ELAC2: variants seen among roughly 807,000 people sequenced by gnomAD.
ELAC2 encodes the protein zinc phosphodiesterase ELAC protein 2.
ELAC2 carries 92 observed loss-of-function variants against 105.2 expected under a neutral mutation model. That is an observed-to-expected ratio of 0.87 (90% confidence interval 0.74 to 1.04). The LOEUF is 1.04. Among genes scored for constraint, ELAC2 ranks in the 50% least tolerant of loss-of-function variants. ELAC2 has a pLI of 0.00. For missense variants in ELAC2, 1,099 were observed against 1,071.7 expected (o/e 1.03, Z -0.36); for synonymous variants, 468 against 409.1 (o/e 1.14, Z -1.74).
chr17:12,994,764 C>A lies in ELAC2; in HGVS notation c.2029G>T (p.Gly677Trp). 6.2e-7 allele frequency: 1 copy of A among 1,613,934 alleles called. No individual in the cohort carries two copies. The highest frequency in any genetic ancestry group is 8.5e-7 in the Non-Finnish European group (1 of 1,180,036). The part of the protein sequence containing the change: ...TMPCEALVRM[G>W]KDATLLIHEA... ...GTGGCTTGCTTCTTCCTCTACTCACCCATCCGGACCAGAGCCTCGCAGGGC... is the reference window on the plus strand; with the variant it reads ...GTGGCTTGCTTCTTCCTCTACTCACACATCCGGACCAGAGCCTCGCAGGGC... Residue 677 changes from glycine (G) to tryptophan (W), a missense_variant and splice_region_variant, in exon 21 of 24, where the codon GGG becomes TGG. Gly to Trp is a radical substitution (Grantham distance 184, BLOSUM62 -2). Coordinates refer to ENST00000338034, the MANE Select transcript of ELAC2 (RefSeq NM_018127.7).
rs1438756175 is a variant in ELAC2, at chr17:12,994,856, T to C, written c.1937A>G (p.Lys646Arg). The C allele has an allele frequency of 2.5e-6, 4 of 1,614,074 alleles. No individual in the cohort carries two copies. Among genetic ancestry groups the C allele is most frequent in the Admixed American group, 3.3e-5 (2 of 60,024 alleles). The change falls in exon 21 of 24, where the codon AAG (lysine) becomes AGG (arginine). Residue 646 changes from lysine to arginine, a missense_variant. Lys to Arg is a conservative substitution (Grantham distance 26). Transcript: ENST00000338034. ...CACCAGCGCACAGCCAAACGCATGC[T>C]TGCAGTGCCGCACCAGACAGGTCTG... ...EFQTCLVRHC[K>R]HAFGCALVHT...
In ELAC2 at chr17:12,992,357, TAGCAGCA is replaced by T. The variant is rs3217020; in HGVS notation, c.*454_*460del. On this transcript the variant is annotated 3_prime_UTR_variant, in exon 24 of 24. Coordinates refer to ENST00000338034, the MANE Select transcript of ELAC2 (RefSeq NM_018127.7). ...GTGGTGCACAGCAGACCCTGCTCTG[TAGCAGCA>T]GCAGGAGGAAGCAAAAGAACTCACA... 217,137 of 351,578 alleles carry T rather than the reference TAGCAGCA, an allele frequency of 0.62. 67,689 individuals carry two copies. The highest frequency in any genetic ancestry group is 0.67 in the South Asian group (17,799 of 26,486). The allele number at this position is 351,578 out of a possible 1,614,324, so 21.8% of individuals were successfully genotyped here. A position where few individuals can be genotyped will look rare whatever the true frequency, so the allele number is the denominator to read the frequency against.
chr17:12,993,064 G>A lies in ELAC2; in HGVS notation c.2254-19C>T, dbSNP rs746853159. ...AGCAGACCTAGAAGACACAATAGAA[G>A]ACAAGGACATGTCTCAGAGGGGCAG... On this transcript the variant is annotated intron_variant, in intron 23 of 23. Transcript: ENST00000338034. 6.3e-7 allele frequency: 1 copy of A among 1,599,604 alleles called. No homozygotes were observed. Among genetic ancestry groups the A allele is most frequent in the Non-Finnish European group, 8.5e-7 (1 of 1,179,038 alleles).
In ELAC2 at chr17:13,017,765, C is replaced by T. The variant is rs1003115109; in HGVS notation, c.183G>A (p.Gln61=). ...CSGGPNTVYL[Q]VVAAGSRDSG... is the part of the protein sequence containing the mutation. Reference sequence around the variant, plus strand: ...AGTCCCGGCTACCCGCTGCCACCACCTGCAGGTACACGGTGTTTGGGCCGC... The same window carrying T: ...AGTCCCGGCTACCCGCTGCCACCACTTGCAGGTACACGGTGTTTGGGCCGC... The change falls in exon 1 of 24, where the codon CAG becomes CAA. Residue 61 remains glutamine (Q), a synonymous_variant. Transcript: ENST00000338034. 2 of 1,611,762 alleles carry T rather than the reference C, an allele frequency of 1.2e-6. No homozygotes were observed.
At chr17:13,008,919 G>A (rs560471155) in intron 8 of ELAC2, among the ~76,000 whole-genome samples, 40 of 152,262 alleles carry the variant, frequency 2.6e-4, no homozygotes, top group African/African-American at 7.7e-4. Flanking sequence ...CCCCAGGAAC[G>A]GCTGCCTGAT....
In ELAC2 at chr17:12,992,602, C is replaced by T; in HGVS notation, c.*216G>A. 1.7e-6 allele frequency: 1 copy of T among 596,308 alleles called. No homozygotes were observed. Among genetic ancestry groups the T allele is most frequent in the East Asian group, 2.8e-5 (1 of 35,590 alleles). The allele number at this position is 596,308 out of a possible 1,614,324, so 36.9% of individuals were successfully genotyped here. A position where few individuals can be genotyped will look rare whatever the true frequency, so the allele number is the denominator to read the frequency against. The stretch of plus-strand genomic sequence containing the variant: ...TCTGCTTGCTTCCGTGTGGCAGCCT[C>T]CTGGCCCGCGGCTGTGCCAGGCACC... On this transcript the variant is annotated 3_prime_UTR_variant, in exon 24 of 24. Transcript: ENST00000338034.
chr17:13,014,617 G>GATGTTC, intron 4 of ELAC2, 121 bp from the exon 5 acceptor site: 1 of 783,336 alleles, frequency 1.3e-6, no homozygotes, highest in Non-Finnish European at 2.3e-6. Context: ...TAAATATTTT[G>GATGTTC]AACATCATTT....
At chr17:12,997,539 T>G (rs2040539180) in intron 16 of ELAC2, among the ~76,000 whole-genome samples, 1 of 152,042 alleles carries the variant, frequency 6.6e-6, no homozygotes, top group African/African-American at 2.4e-5. Flanking sequence ...CAGGTCAAAC[T>G]CAAAAAGCCC....
At chr17:13,013,407 A>C in intron 5 of ELAC2, 132 bp from the exon 6 acceptor site, 1 of 960,122 alleles carries the variant, frequency 1.0e-6, no homozygotes. Flanking sequence ...CGAAAACCAG[A>C]CTTTCTAAGG....
chr17:13,010,914 G>A (rs2041377426), intron 7 of ELAC2, among the ~76,000 whole-genome samples: 1 of 152,202 alleles, frequency 6.6e-6, no homozygotes, highest in African/African-American at 2.4e-5. Flanking sequence ...AATGGCAAGT[G>A]AAATTTTTTT....
In ELAC2 at chr17:12,996,417, C is replaced by T. The variant is rs992858647; in HGVS notation, c.1659+130G>A. The T allele has an allele frequency of 5.4e-5, 77 of 1,419,034 alleles. 1 individual carries two copies. The highest frequency in any genetic ancestry group is 3.4e-4 in the South Asian group (29 of 85,330). 87.9% of individuals were successfully genotyped at this position (1,419,034 alleles called of 1,614,324 possible). On this transcript the variant is annotated intron_variant, in intron 17 of 23. Transcript: ENST00000338034. ...TGTTGAGTTTTGCAAAAAACCATTT[C>T]CTAGCCAGAGATGAGTAACAAAAGC... is the stretch of plus-strand genomic sequence containing the variant.
chr17:12,995,151 A>G, intron 19 of ELAC2, 89 bp from the exon 20 acceptor site: 1 of 1,303,734 alleles, frequency 7.7e-7, no homozygotes, highest in East Asian at 2.3e-5. Flanking sequence ...AGAACCCCAA[A>G]ATCATTCTTA....
At chr17:13,013,787 T>C (rs908226638) in intron 5 of ELAC2, among the ~76,000 whole-genome samples, 2 of 152,078 alleles carry the variant, frequency 1.3e-5, no homozygotes, top group South Asian at 2.1e-4. Context: ...TGCGTTTCAA[T>C]GTACAAAGTT....
At chr17:12,996,096 A>G (rs1454429616) in intron 17 of ELAC2, 118 bp from the exon 18 acceptor site, 5 of 1,133,734 alleles carry the variant, frequency 4.4e-6, no homozygotes, top group African/African-American at 1.5e-5. Flanking sequence ...ACCAGCCTCT[A>G]ACACAGCCGC....
At chr17:12,996,176 C>T in intron 17 of ELAC2, 198 bp from the exon 18 acceptor site, 3 of 712,974 alleles carry the variant, frequency 4.2e-6, no homozygotes, top group East Asian at 5.4e-5. Flanking sequence ...AGCGACACGA[C>T]CCGTGCTGGG....
At chr17:13,014,387 G>A in intron 5 of ELAC2, 52 bp downstream of exon 5, 4 of 1,363,602 alleles carry the variant, frequency 2.9e-6, no homozygotes, top group Non-Finnish European at 4.2e-6. Context: ...TGAGAGGTCA[G>A]GGCATATATA....
At chr17:13,015,146 C>A (rs1316406656) in intron 4 of ELAC2, among the ~76,000 whole-genome samples, 1 of 152,240 alleles carries the variant, frequency 6.6e-6, no homozygotes, top group Non-Finnish European at 1.5e-5. Flanking sequence ...AGTGACCTCT[C>A]TGGCTGCTGT....
chr17:13,014,067 G>A (rs986531701), intron 5 of ELAC2, among the ~76,000 whole-genome samples: 1 of 152,112 alleles, frequency 6.6e-6, no homozygotes, highest in Non-Finnish European at 1.5e-5. Context: ...GCTGAGGCGG[G>A]CAGATCACAA....
chr17:12,992,641 A>G lies in ELAC2; in HGVS notation c.*177T>C. On this transcript the variant is annotated 3_prime_UTR_variant, in exon 24 of 24. Coordinates refer to ENST00000338034, the MANE Select transcript of ELAC2 (RefSeq NM_018127.7). ...GTGCCAGGCACCAGTCCTAAGAGGC[A>G]TCTATAGACTAGTGCTTATGTGGGA... 1 of 685,926 alleles carries G rather than the reference A, an allele frequency of 1.5e-6. No individual in the cohort carries two copies. Among genetic ancestry groups the G allele is most frequent in the Admixed American group, 2.6e-5 (1 of 38,404 alleles). 42.5% of individuals were successfully genotyped at this position (685,926 alleles called of 1,614,324 possible). A position where few individuals can be genotyped will look rare whatever the true frequency, so the allele number is the denominator to read the frequency against.
Sources: gnomAD v4.1 joint callset for allele counts (sites outside exome capture counted in the v4.1 genomes callset) on GRCh38, gnomAD v4.1.1 for gene constraint, MANE v1.5 for transcripts, NCBI Gene and HGNC (gene_info 2026-07-23, HGNC 2026-07-21) for gene names.